Variants in BLTP3A observed in about 807,000 individuals in gnomAD.
BLTP3A encodes the protein ICBP90 binding protein 1.
At chr6:34,803,570 A>G in the BLTP3A span, among the ~76,000 whole-genome samples, 1 of 152,196 alleles carries the variant, frequency 6.6e-6, no homozygotes, top group East Asian at 1.9e-4. Context: ...TGGAGCAGGA[A>G]TGCCACCAAA....
the BLTP3A span, chr6:34,863,978 G>GTTT: frequency 3.2e-5 from 48 of 1,477,706 alleles, no homozygotes; most frequent in African/African-American, 1.0e-4. Flanking sequence ...CACATTTGTG[G>GTTT]TTTTTGTTTT....
At chr6:34,870,928 G>C in the BLTP3A span, 1 of 1,614,162 alleles carries the variant, frequency 6.2e-7, no homozygotes, top group African/African-American at 1.3e-5. Flanking sequence ...CTTTGAGGTG[G>C]GGCCTGGAGC....
chr6:34,803,342 A>G, the BLTP3A span, among the ~76,000 whole-genome samples: 1 of 151,518 alleles, frequency 6.6e-6, no homozygotes, highest in Non-Finnish European at 1.5e-5. Flanking sequence ...GCTCTTGTAC[A>G]CTCTTTTTCC....
At chr6:34,839,827 G>A in the BLTP3A span, among the ~76,000 whole-genome samples, 1 of 152,242 alleles carries the variant, frequency 6.6e-6, no homozygotes, top group Non-Finnish European at 1.5e-5. Context: ...GCACAACCCA[G>A]TTCCTGGCTC....
the BLTP3A span, among the ~76,000 whole-genome samples, chr6:34,801,385 A>C: frequency 8.4e-3 from 1,278 of 152,192 alleles, 19 homozygotes; most frequent in African/African-American, 0.027. Context: ...GTTGTTAGGG[A>C]ACTATATTTG....
the BLTP3A span, chr6:34,823,207 CTG>C: frequency 6.9e-7 from 1 of 1,455,750 alleles, no homozygotes; most frequent in Admixed American, 1.7e-5. Context: ...TGTCATTGTG[CTG>C]TGTGTGTATT....
the BLTP3A span, among the ~76,000 whole-genome samples, chr6:34,823,741 C>T: frequency 1.3e-5 from 2 of 151,450 alleles, no homozygotes; most frequent in African/African-American, 4.9e-5. Context: ...CACTATGTTG[C>T]CCAGGCTGGT....
At chr6:34,828,459 A>G in the BLTP3A span, among the ~76,000 whole-genome samples, 1 of 151,508 alleles carries the variant, frequency 6.6e-6, no homozygotes, top group African/African-American at 2.4e-5. Flanking sequence ...TCAAAAAAAA[A>G]AAAAAAAAAG....
the BLTP3A span, chr6:34,864,001 G>T: frequency 6.4e-7 from 1 of 1,574,220 alleles, no homozygotes; most frequent in Non-Finnish European, 8.6e-7. Flanking sequence ...TTTTTAAACA[G>T]GGAGCCCATG....
At chr6:34,830,799 T>C in the BLTP3A span, among the ~76,000 whole-genome samples, 3 of 152,208 alleles carry the variant, frequency 2.0e-5, no homozygotes, top group East Asian at 3.8e-4. Context: ...TTCATAGTGA[T>C]TGTACCAGTT....
chr6:34,846,882 TATG>T, the BLTP3A span, among the ~76,000 whole-genome samples: 2 of 152,224 alleles, frequency 1.3e-5, no homozygotes, highest in African/African-American at 4.8e-5. Flanking sequence ...CCGCATTGAG[TATG>T]ATAATAGGTA....
At chr6:34,794,141 C>G in the BLTP3A span, among the ~76,000 whole-genome samples, 92 of 144,662 alleles carry the variant, frequency 6.4e-4, no homozygotes, top group Non-Finnish European at 1.2e-3. Context: ...GCCTAGGTGA[C>G]AGAGCGAGAC....
the BLTP3A span, among the ~76,000 whole-genome samples, chr6:34,844,430 A>G: frequency 2.2e-4 from 33 of 152,270 alleles, no homozygotes; most frequent in East Asian, 5.8e-3. Context: ...ACTCGTGACC[A>G]TGACAGACTA....
chr6:34,841,160 TA>T, the BLTP3A span, among the ~76,000 whole-genome samples: 99 of 151,980 alleles, frequency 6.5e-4, no homozygotes, highest in African/African-American at 2.1e-3. Flanking sequence ...TTAATTTTAT[TA>T]TTTTTTTTGA....
chr6:34,824,918 G>T, the BLTP3A span, among the ~76,000 whole-genome samples: 1 of 152,032 alleles, frequency 6.6e-6, no homozygotes, highest in African/African-American at 2.4e-5. Context: ...TGATCCACCC[G>T]CCTCAGCCTC....
At chr6:34,804,009 C>T in the BLTP3A span, among the ~76,000 whole-genome samples, 5 of 152,108 alleles carry the variant, frequency 3.3e-5, no homozygotes, top group Admixed American at 2.0e-4. Flanking sequence ...GTCTTCACAG[C>T]GGCTGATACG....
the BLTP3A span, among the ~76,000 whole-genome samples, chr6:34,849,063 A>G: frequency 6.9e-6 from 1 of 145,446 alleles, no homozygotes; most frequent in African/African-American, 2.6e-5. Context: ...AAGTGGCGTG[A>G]TCTCAGCTCA....
chr6:34,855,842 T>C, the BLTP3A span: 1 of 1,476,404 alleles, frequency 6.8e-7, no homozygotes, highest in Non-Finnish European at 9.0e-7. Context: ...GAAATATCCC[T>C]CTTCAAGAGG....
At chr6:34,812,898 T>C in the BLTP3A span, among the ~76,000 whole-genome samples, 1 of 152,252 alleles carries the variant, frequency 6.6e-6, no homozygotes, top group African/African-American at 2.4e-5. Flanking sequence ...AATCCTGCTA[T>C]CTAAACCAAC....
Sources: gnomAD v4.1 joint callset for allele counts (sites outside exome capture counted in the v4.1 genomes callset) on GRCh38, gnomAD v4.1.1 for gene constraint, MANE v1.5 for transcripts, NCBI Gene and HGNC (gene_info 2026-07-23, HGNC 2026-07-21) for gene names.